The following PALS2 variants were observed in gnomAD, a reference collection of about 807,000 sequenced individuals.
The protein encoded by PALS2 is protein associated with LIN7 2, MAGUK p55 family member, also known as protein PALS2.
A neutral mutation model predicts 61.6 loss-of-function variants in PALS2; 27 were observed. The ratio of observed to expected loss-of-function variants is 0.44; its 90% CI spans 0.32 to 0.60. The LOEUF (loss-of-function observed/expected upper bound fraction) is 0.60, where lower values mean the gene tolerates loss of function less well. PALS2 is among the 20% of genes least tolerant of loss of function. The pLI, the probability that PALS2 is intolerant of heterozygous loss-of-function variation, is 0.05. For missense variants in PALS2, 554 were observed against 639.4 expected, an observed-to-expected ratio of 0.87 and a Z score of 1.44; for synonymous variants, 236 against 218.6, an observed-to-expected ratio of 1.08 and a Z score of -0.70.
intron 11 of PALS2, among the ~76,000 whole-genome samples, chr7:24,681,707 C>CA (rs1288438086): frequency 6.6e-6 from 1 of 151,878 alleles, no homozygotes; most frequent in African/African-American, 2.4e-5. Context: ...TATTTGTACT[C>CA]ATGAAAGCCA....
chr7:24,667,813 C>T (rs927981101), intron 8 of PALS2, among the ~76,000 whole-genome samples: 1 of 151,820 alleles, frequency 6.6e-6, no homozygotes, highest in Non-Finnish European at 1.5e-5. Context: ...TACAGGCGCA[C>T]ACCACCACGC....
chr7:24,636,040 T>C (rs1245941270), intron 2 of PALS2, among the ~76,000 whole-genome samples: 1 of 151,670 alleles, frequency 6.6e-6, no homozygotes, highest in African/African-American at 2.4e-5. Context: ...GGAGAAACCC[T>C]GTCTCTACTA....
rs1009157882 is a variant in PALS2, at chr7:24,692,482, G to C, written c.*4868G>C. Reference sequence around the variant, plus strand: ...TGGTGAACTGAAAAATCCTTATTAGGCTACTTTATCTGTTCTCTTTTAGTT... The same window carrying C: ...TGGTGAACTGAAAAATCCTTATTAGCCTACTTTATCTGTTCTCTTTTAGTT... On this transcript the variant is annotated 3_prime_UTR_variant, in exon 12 of 12. Coordinates refer to ENST00000222644, the MANE Select transcript of PALS2 (RefSeq NM_001303037.2). 2 of 152,018 alleles carry C rather than the reference G, an allele frequency of 1.3e-5. No individual in the cohort carries two copies. The highest frequency in any genetic ancestry group is 2.9e-5 in the Non-Finnish European group (2 of 67,968). The allele number at this position is 152,018 out of a possible 1,614,324, so 9.4% of individuals were successfully genotyped here. A position where few individuals can be genotyped will look rare whatever the true frequency, so the allele number is the denominator to read the frequency against.
At chr7:24,585,185 T>C (rs1190815954) in intron 1 of PALS2, among the ~76,000 whole-genome samples, 1 of 152,154 alleles carries the variant, frequency 6.6e-6, no homozygotes, top group Non-Finnish European at 1.5e-5. Context: ...AGTAGTTTTT[T>C]CCAATTCTGT....
intron 1 of PALS2, among the ~76,000 whole-genome samples, chr7:24,590,443 G>A (rs529654136): frequency 6.6e-6 from 1 of 152,038 alleles, no homozygotes. Flanking sequence ...AGACCACTTC[G>A]TAGTTTCTCT....
intron 1 of PALS2, chr7:24,597,141 C>T (rs565683129): frequency 1.3e-5 from 2 of 152,158 alleles, no homozygotes; most frequent in South Asian, 4.2e-4. Context: ...ATTAAAGGCA[C>T]CATCTTTGGG....
rs556867891 is a variant in PALS2, at chr7:24,680,381, C to A, written c.1318-11C>A. On this transcript the variant is annotated splice_polypyrimidine_tract_variant and intron_variant, in intron 10 of 11. Transcript: ENST00000222644. ...TTGTATAAATTGGCTTATAATTATT[C>A]TTTTACACAGGCACTGAAAGTATTG... The A allele has an allele frequency of 2.5e-6, 4 of 1,608,724 alleles. No homozygotes were observed. In the African/African-American group the frequency reaches 4.0e-5, roughly 16 times the overall value.
chr7:24,667,268 G>A (rs1787069717), intron 8 of PALS2, among the ~76,000 whole-genome samples: 1 of 152,010 alleles, frequency 6.6e-6, no homozygotes, highest in Admixed American at 6.6e-5. Flanking sequence ...CATCGACTAA[G>A]ATTATAATTT....
Position 24,618,594 on chromosome 7 carries a change from G to A in PALS2, c.-2-5072G>A, listed in dbSNP as rs1228293562. 1.3e-5 allele frequency among the ~76,000 whole-genome samples: 2 copies of A among 152,228 alleles called. No individual in the cohort carries two copies. The highest frequency in any genetic ancestry group is 2.9e-5 in the Non-Finnish European group (2 of 68,036). On this transcript the variant is annotated intron_variant, in intron 1 of 11. Coordinates refer to ENST00000222644, the MANE Select transcript of PALS2 (RefSeq NM_001303037.2). This position sits in a 1 kb window ranked among gnomAD's most constrained non-coding sequence, Gnocchi z 5.1. ...CCAAACTGGGCTCAGGGCTTGCAAG[G>A]ACTGTGGATTCTCCTGTAGTAAGGA...
At chr7:24,606,034 A>G (rs190516365) in intron 1 of PALS2, among the ~76,000 whole-genome samples, 1 of 152,166 alleles carries the variant, frequency 6.6e-6, no homozygotes, top group Non-Finnish European at 1.5e-5. Context: ...TTAAAATCCC[A>G]TGACTTATAT....
chr7:24,584,443 G>T (rs1467348371), intron 1 of PALS2, among the ~76,000 whole-genome samples: 2 of 149,816 alleles, frequency 1.3e-5, no homozygotes, highest in Non-Finnish European at 1.5e-5. Context: ...TGTGTTTTTT[G>T]GCTGCATAAA....
At position 24,693,151 on chromosome 7, in the gene PALS2, A is replaced by G. The variant is rs1196557319; in HGVS notation, c.*5537A>G. ...AATGAACACATCTATAGTTAAGGTAAATGCCACCAATCAGAAGATTGAGTG... is the reference window on the plus strand; with the variant it reads ...AATGAACACATCTATAGTTAAGGTAGATGCCACCAATCAGAAGATTGAGTG... On this transcript the variant is annotated 3_prime_UTR_variant, in exon 12 of 12. Transcript: ENST00000222644. The G allele has an allele frequency of 1.3e-5, 2 of 152,178 alleles. No individual in the cohort carries two copies. The highest frequency in any genetic ancestry group is 4.8e-5 in the African/African-American group (2 of 41,440). 9.4% of individuals were successfully genotyped at this position (152,178 alleles called of 1,614,324 possible). A position where few individuals can be genotyped will look rare whatever the true frequency, so the allele number is the denominator to read the frequency against.
At chr7:24,587,985 T>C (rs537532485) in intron 1 of PALS2, among the ~76,000 whole-genome samples, 14 of 152,248 alleles carry the variant, frequency 9.2e-5, no homozygotes, top group Admixed American at 7.2e-4. Context: ...CTAAGGGACA[T>C]TTGGTAATAT....
rs761811928 is a variant in PALS2 at position 24,607,601 on chromosome 7, G to GTA, written c.-2-16058_-2-16057dup. On this transcript the variant is annotated intron_variant, in intron 1 of 11. Transcript: ENST00000222644. Reference sequence around the variant, plus strand: ...TGTGTATATATACATATATGTGTGTGTATATATACATATATATGTGTGTAT... The same window carrying GTA: ...TGTGTATATATACATATATGTGTGTGTATATATATACATATATATGTGTGTAT... Among the ~76,000 whole-genome samples the GTA allele has an allele frequency of 3.1e-4, 46 of 149,100 alleles. 1 individual carries two copies. The highest frequency in any genetic ancestry group is 9.4e-4 in the African/African-American group (37 of 39,522).
chr7:24,629,258 T>A (rs1784884307), intron 2 of PALS2, among the ~76,000 whole-genome samples: 1 of 152,166 alleles, frequency 6.6e-6, no homozygotes, highest in South Asian at 2.1e-4. Context: ...CGCTATTTAA[T>A]AAATGATGTT....
At chr7:24,620,903 G>A (rs2128056060) in intron 1 of PALS2, among the ~76,000 whole-genome samples, 1 of 151,976 alleles carries the variant, frequency 6.6e-6, no homozygotes, top group Admixed American at 6.5e-5. Context: ...ATCATTGTGT[G>A]GTTTATTATA....
chr7:24,600,714 G>A (rs986775841), intron 1 of PALS2, among the ~76,000 whole-genome samples: 6 of 152,072 alleles, frequency 3.9e-5, no homozygotes, highest in Admixed American at 3.9e-4. Flanking sequence ...TACATCTTAC[G>A]TTTTAGTTGA....
intron 10 of PALS2, among the ~76,000 whole-genome samples, chr7:24,679,579 T>C (rs1403131564): frequency 6.6e-6 from 1 of 152,140 alleles, no homozygotes; most frequent in Non-Finnish European, 1.5e-5. Flanking sequence ...CAATAGAAGT[T>C]TAGTATGTAT....
rs140862290 is a variant in PALS2 at position 24,613,808 on chromosome 7, T to G, written c.-2-9858T>G. On this transcript the variant is annotated intron_variant, in intron 1 of 11. Transcript: ENST00000222644. ...CTTTCTACTTCTGTAAGATCAACTT[T>G]TTTAGCTTCCATGTAAGAGTGAGAA... 4.0e-4 allele frequency among the ~76,000 whole-genome samples: 61 copies of G among 152,028 alleles called. 1 individual carries two copies. Among genetic ancestry groups the G allele is most frequent in the Middle Eastern group, 3.4e-3 (1 of 294 alleles).
Sources: gnomAD v4.1 joint callset for allele counts (sites outside exome capture counted in the v4.1 genomes callset) on GRCh38, gnomAD v4.1.1 for gene constraint, Gnocchi (gnomAD v3.1) non-coding constraint, MANE v1.5 for transcripts, NCBI Gene and HGNC (gene_info 2026-07-23, HGNC 2026-07-21) for gene names.